The following PLXDC2 variants were observed in gnomAD, a reference collection of about 807,000 sequenced individuals.
PLXDC2 encodes the protein plexin domain containing 2, also known as plexin domain-containing protein 2.
Under a neutral mutation model 68.9 loss-of-function variants are expected in PLXDC2, and 40 were observed. The observed-to-expected ratio is 0.58, with a 90% confidence interval of 0.45 to 0.76. PLXDC2 has a LOEUF of 0.76. Ranked by LOEUF, PLXDC2 falls within the 30% of genes least tolerant of loss-of-function variation. The probability of loss-of-function intolerance (pLI) is 0.00; values close to 1 mark genes in which losing one functional copy is unlikely to be tolerated. For missense variants in PLXDC2, 644 were observed against 661.9 expected (o/e 0.97, Z 0.30); for synonymous variants, 243 against 234.2 (o/e 1.04, Z -0.34).
At chr10:19,922,134 C>G (rs1026221785) in intron 1 of PLXDC2, among the ~76,000 whole-genome samples, 4 of 152,174 alleles carry the variant, frequency 2.6e-5, no homozygotes, top group Admixed American at 1.3e-4. Context: ...GCTGGGATTA[C>G]AGGCGTGAGC....
chr10:19,942,184 C>T (rs1833830836), intron 1 of PLXDC2, among the ~76,000 whole-genome samples: 1 of 152,104 alleles, frequency 6.6e-6, no homozygotes, highest in African/African-American at 2.4e-5. Flanking sequence ...ATTAAATGGA[C>T]TTAAACTAAA....
At chr10:20,067,717 A>G (rs552210832) in intron 3 of PLXDC2, among the ~76,000 whole-genome samples, 1 of 152,238 alleles carries the variant, frequency 6.6e-6, no homozygotes, top group South Asian at 2.1e-4. Flanking sequence ...CTGCAGGTCT[A>G]GATCCACCAG....
intron 3 of PLXDC2, among the ~76,000 whole-genome samples, chr10:20,054,423 A>G (rs1023641821): frequency 3.9e-5 from 6 of 151,974 alleles, no homozygotes; most frequent in African/African-American, 1.4e-4. Flanking sequence ...ATGGATGGAC[A>G]GATGGATGGA....
chr10:20,039,536 T>C (rs1273613775), intron 2 of PLXDC2, among the ~76,000 whole-genome samples: 3 of 152,184 alleles, frequency 2.0e-5, no homozygotes, highest in Non-Finnish European at 4.4e-5. Flanking sequence ...TGTTAAAGGA[T>C]TCTTTTTTGA....
At chr10:20,258,540 C>A (rs1221017494) in intron 13 of PLXDC2, among the ~76,000 whole-genome samples, 2 of 152,090 alleles carry the variant, frequency 1.3e-5, no homozygotes, top group African/African-American at 2.4e-5. Context: ...AATCTGTGAT[C>A]ATCAATATCT....
At chr10:20,138,191 T>C (rs1423963924) in intron 4 of PLXDC2, among the ~76,000 whole-genome samples, 2 of 152,226 alleles carry the variant, frequency 1.3e-5, no homozygotes, top group East Asian at 3.8e-4. Context: ...CTTACTGATA[T>C]CAATTAGCCA....
chr10:20,200,620 A>G (rs1408167319), intron 9 of PLXDC2, among the ~76,000 whole-genome samples: 1 of 152,060 alleles, frequency 6.6e-6, no homozygotes. Flanking sequence ...ATATTGATAA[A>G]CTGTTCATCT....
At chr10:20,180,100 T>C (rs754529389) in intron 9 of PLXDC2, among the ~76,000 whole-genome samples, 9 of 152,014 alleles carry the variant, frequency 5.9e-5, no homozygotes, top group Non-Finnish European at 1.3e-4. Flanking sequence ...AAGAAGAATG[T>C]AGAGGAAAAT....
chr10:19,920,003 CAAGT>C (rs1336627836), intron 1 of PLXDC2, among the ~76,000 whole-genome samples: 1 of 152,188 alleles, frequency 6.6e-6, no homozygotes, highest in Admixed American at 6.5e-5. Flanking sequence ...AACACACACT[CAAGT>C]AATTTTATAA....
intron 1 of PLXDC2, among the ~76,000 whole-genome samples, chr10:19,903,412 A>G (rs1464881958): frequency 6.6e-6 from 1 of 151,044 alleles, no homozygotes; most frequent in Non-Finnish European, 1.5e-5. Flanking sequence ...GGAGGGTTGT[A>G]TATTTCCAGG....
At chr10:19,994,141 T>A (rs945134967) in intron 1 of PLXDC2, among the ~76,000 whole-genome samples, 1 of 151,982 alleles carries the variant, frequency 6.6e-6, no homozygotes, top group African/African-American at 2.4e-5. Context: ...ACAGAGATGA[T>A]GAACTGCAAT....
chr10:19,986,283 T>G (rs1420809488), intron 1 of PLXDC2, among the ~76,000 whole-genome samples: 2 of 152,130 alleles, frequency 1.3e-5, no homozygotes, highest in East Asian at 1.9e-4. Context: ...CGAGTTAGGA[T>G]TAGCATTCTC....
rs753425073 is a variant in PLXDC2 at position 20,176,984 on chromosome 10, TC to T, written c.884-13del. The T allele has an allele frequency of 8.4e-6, 13 of 1,555,886 alleles. No homozygotes were observed. The South Asian group carries it at 1.4e-4, about 17-fold the overall frequency. ...GGAAAGGTTAAAAATTGATTTTTTT[TC>T]CTTTTTTTTCTAGATGTTCGAAGAA... On this transcript the variant is annotated splice_polypyrimidine_tract_variant and intron_variant, in intron 7 of 13. Coordinates refer to ENST00000377252, the MANE Select transcript of PLXDC2 (RefSeq NM_032812.9).
At chr10:20,060,603 TTGCTG>T (rs887202121) in intron 3 of PLXDC2, among the ~76,000 whole-genome samples, 4 of 152,070 alleles carry the variant, frequency 2.6e-5, no homozygotes, top group Non-Finnish European at 5.9e-5. Flanking sequence ...TCAGCCCAGC[TTGCTG>T]CTCTGTTAGC....
chr10:19,875,002 C>A (rs1837607163), intron 1 of PLXDC2, among the ~76,000 whole-genome samples: 1 of 152,114 alleles, frequency 6.6e-6, no homozygotes, highest in South Asian at 2.1e-4. Flanking sequence ...CGTCATGGGG[C>A]AGATGATTCA....
chr10:20,067,534 T>C (rs149236760), intron 3 of PLXDC2, among the ~76,000 whole-genome samples: 2,691 of 151,780 alleles, frequency 0.018, 41 homozygotes, highest in Admixed American at 0.028. Flanking sequence ...AAAAATACAA[T>C]AAATTAGTCT....
Position 20,282,457 on chromosome 10 carries a change from T to A in PLXDC2, c.*2638T>A, listed in dbSNP as rs1395755794. On this transcript the variant is annotated 3_prime_UTR_variant, in exon 14 of 14. Transcript: ENST00000377252. ...AACATAATAGAATAACAAAAAAAGATAACAAAGAGATGCAAACTTCTGGAT... is the reference window on the plus strand; with the variant it reads ...AACATAATAGAATAACAAAAAAAGAAAACAAAGAGATGCAAACTTCTGGAT... The A allele has an allele frequency of 6.6e-6, 1 of 152,260 alleles. No individual in the cohort carries two copies. Among genetic ancestry groups the A allele is most frequent in the South Asian group, 2.1e-4 (1 of 4,824 alleles). 9.4% of individuals were successfully genotyped at this position (152,260 alleles called of 1,614,324 possible).
rs192817749 is a variant in PLXDC2 at position 20,095,917 on chromosome 10, G to A, written c.541+27678G>A. On this transcript the variant is annotated intron_variant, in intron 4 of 13. Transcript: ENST00000377252. ...AGTCAAATGAGTTTGTGTAATGTTG[G>A]GTTAAATGCAAATAAATATTTCTCT... is the stretch of plus-strand genomic sequence containing the variant. 8.7e-4 allele frequency among the ~76,000 whole-genome samples: 132 copies of A among 152,154 alleles called. 6 individuals are homozygous for A. The South Asian group carries it at 0.025, about 29-fold the overall frequency.
chr10:20,150,471 G>A (rs1012698), intron 6 of PLXDC2, among the ~76,000 whole-genome samples: 45,800 of 152,006 alleles, frequency 0.3, 7,579 homozygotes, highest in East Asian at 0.52. Context: ...CATCAGGGCT[G>A]TGTTTTTATA....
Sources: allele counts gnomAD v4.1 joint callset (sites outside exome capture counted in the v4.1 genomes callset), GRCh38; gene constraint gnomAD v4.1.1; transcripts MANE v1.5; gene names NCBI Gene and HGNC (gene_info 2026-07-23, HGNC 2026-07-21).